Variants in LINGO2 observed in about 807,000 individuals in gnomAD.
LINGO2 encodes the protein leucine-rich repeat and immunoglobulin-like domain-containing nogo receptor-interacting protein 2.
In LINGO2, 14 loss-of-function variants were observed where a neutral mutation model predicts 30.6. That is an observed-to-expected ratio of 0.46 (90% CI 0.30 to 0.72). The LOEUF is 0.72. Among genes scored for constraint, LINGO2 ranks in the 30% least tolerant of loss-of-function variants. The probability of loss-of-function intolerance (pLI) is 0.07; values close to 1 mark genes in which losing one functional copy is unlikely to be tolerated. For missense variants in LINGO2, 729 were observed against 751.7 expected (o/e 0.97, Z 0.35); for synonymous variants, 317 against 288.5 (o/e 1.10, Z -1.00).
chr9:28,482,715 G>A (rs1826024413), intron 1 of LINGO2, among the ~76,000 whole-genome samples: 1 of 151,936 alleles, frequency 6.6e-6, no homozygotes, highest in African/African-American at 2.4e-5. Context: ...TCTGATCTTT[G>A]GCAAACCTGA....
At chr9:28,606,269 A>G (rs553746783) in intron 1 of LINGO2, among the ~76,000 whole-genome samples, 1 of 152,150 alleles carries the variant, frequency 6.6e-6, no homozygotes, top group Admixed American at 6.6e-5. Context: ...CATCTAAAAC[A>G]GCTACTATAA....
chr9:28,343,677 T>C (rs778088595), intron 3 of LINGO2, among the ~76,000 whole-genome samples: 38 of 152,170 alleles, frequency 2.5e-4, no homozygotes, highest in Non-Finnish European at 4.4e-5. Context: ...CTTACTCAGG[T>C]ACCTGAATTC....
At chr9:28,701,507 G>A in the LINGO2 span, among the ~76,000 whole-genome samples, 8 of 151,922 alleles carry the variant, frequency 5.3e-5, 1 homozygote, top group African/African-American at 1.4e-4. Context: ...CTGTTCGATC[G>A]ATCTGTCTAT....
rs548576650 is a variant in LINGO2 at position 28,288,820 on chromosome 9, C to T, written c.-87+6388G>A. 2.6e-5 allele frequency among the ~76,000 whole-genome samples: 4 copies of T among 152,238 alleles called. No homozygotes were observed. In the South Asian group the frequency reaches 8.3e-4, roughly 32 times the overall value. ...AGGTGAGAATGCCCACTGCTCTCTGCAGAGAGCAAGGGATGTATTGCATAC... is the reference window on the plus strand; with the variant it reads ...AGGTGAGAATGCCCACTGCTCTCTGTAGAGAGCAAGGGATGTATTGCATAC... On this transcript the variant is annotated intron_variant, in intron 4 of 5. Coordinates refer to ENST00000379992, the Ensembl canonical transcript of LINGO2.
the LINGO2 span, among the ~76,000 whole-genome samples, chr9:29,143,588 G>A: frequency 6.6e-6 from 1 of 152,052 alleles, no homozygotes; most frequent in African/African-American, 2.4e-5. Flanking sequence ...AAATGTTACT[G>A]AGAAAACTGA....
chr9:29,079,615 C>A, the LINGO2 span, among the ~76,000 whole-genome samples: 1 of 148,478 alleles, frequency 6.7e-6, no homozygotes, highest in Non-Finnish European at 1.5e-5. Context: ...AAATTATGGC[C>A]ATATATAATC....
the LINGO2 span, among the ~76,000 whole-genome samples, chr9:29,168,456 G>A: frequency 6.6e-6 from 1 of 152,136 alleles, no homozygotes; most frequent in Non-Finnish European, 1.5e-5. Context: ...ACTTGCCTAG[G>A]ATTGTTCTGC....
At chr9:28,657,648 C>A (rs1374813357) in intron 1 of LINGO2, among the ~76,000 whole-genome samples, 3 of 151,820 alleles carry the variant, frequency 2.0e-5, no homozygotes, top group Non-Finnish European at 2.9e-5. Flanking sequence ...CTTTTCTTCC[C>A]TTAGTTTGTT....
At chr9:28,482,944 A>G (rs1383471614) in intron 1 of LINGO2, among the ~76,000 whole-genome samples, 1 of 152,104 alleles carries the variant, frequency 6.6e-6, no homozygotes, top group African/African-American at 2.4e-5. Flanking sequence ...GACACATTTT[A>G]AGAAAGATTT....
chr9:28,173,697 A>C (rs1828665068), intron 4 of LINGO2, among the ~76,000 whole-genome samples: 1 of 152,256 alleles, frequency 6.6e-6, no homozygotes, highest in Non-Finnish European at 1.5e-5. Flanking sequence ...TGGAACGGTT[A>C]TAAGAATGTT....
chr9:28,628,444 C>G (rs562074546), intron 1 of LINGO2, among the ~76,000 whole-genome samples: 3 of 152,184 alleles, frequency 2.0e-5, no homozygotes, highest in South Asian at 4.1e-4. Context: ...TATTTCAGTT[C>G]TGTGCACTAT....
chr9:29,178,612 C>T, the LINGO2 span, among the ~76,000 whole-genome samples: 7 of 152,120 alleles, frequency 4.6e-5, no homozygotes, highest in Non-Finnish European at 1.0e-4. Context: ...CACTGTTGAA[C>T]ACACAAATTG....
intron 3 of LINGO2, among the ~76,000 whole-genome samples, chr9:28,306,860 C>T (rs1209552168): frequency 6.6e-6 from 1 of 152,132 alleles, no homozygotes; most frequent in Admixed American, 6.5e-5. Context: ...ACACATACAC[C>T]TTCCCAAGAT....
chr9:28,237,126 G>GC (rs918323315), intron 4 of LINGO2, among the ~76,000 whole-genome samples: 2 of 133,324 alleles, frequency 1.5e-5, no homozygotes, highest in South Asian at 5.2e-4. Context: ...GCGGGGGGGG[G>GC]GTAAAGTTAA....
the LINGO2 span, among the ~76,000 whole-genome samples, chr9:28,721,592 A>C: frequency 1.3e-5 from 2 of 152,126 alleles, no homozygotes; most frequent in Non-Finnish European, 2.9e-5. Context: ...TCTCACTCAT[A>C]AGTGGAAGTT....
At chr9:28,680,817 A>G in the LINGO2 span, among the ~76,000 whole-genome samples, 4 of 151,928 alleles carry the variant, frequency 2.6e-5, no homozygotes, top group Non-Finnish European at 5.9e-5. Context: ...AAATCAGGTT[A>G]TTTGTTGTCC....
At chr9:28,095,465 T>G (rs1425360709) in intron 4 of LINGO2, among the ~76,000 whole-genome samples, 1 of 152,086 alleles carries the variant, frequency 6.6e-6, no homozygotes, top group Non-Finnish European at 1.5e-5. Context: ...GGGGAAAGGA[T>G]TCCCTATTTA....
At chr9:29,071,892 A>G in the LINGO2 span, among the ~76,000 whole-genome samples, 192 of 152,248 alleles carry the variant, frequency 1.3e-3, no homozygotes, top group Admixed American at 2.5e-3. Context: ...AAAGAGAGAC[A>G]AAAGTTATGA....
chr9:27,997,496 T>C (rs1203105373), intron 5 of LINGO2, among the ~76,000 whole-genome samples: 2 of 152,098 alleles, frequency 1.3e-5, no homozygotes, highest in African/African-American at 2.4e-5. Flanking sequence ...CTGCCCCTTG[T>C]TGGGCCTCAG....
Sources: allele counts gnomAD v4.1 joint callset (sites outside exome capture counted in the v4.1 genomes callset), GRCh38; gene constraint gnomAD v4.1.1; transcripts MANE v1.5; gene names NCBI Gene and HGNC (gene_info 2026-07-23, HGNC 2026-07-21).